Variants in VWA8 observed in about 807,000 individuals in gnomAD.
VWA8 encodes the protein von Willebrand factor A domain containing 8, also known as von Willebrand factor A domain-containing protein 8.
A neutral mutation model predicts 241.5 loss-of-function variants in VWA8; 221 were observed. That is an observed-to-expected ratio of 0.91 (90% confidence interval 0.82 to 1.02). The LOEUF is 1.02. Among genes scored for constraint, VWA8 ranks in the 50% least tolerant of loss-of-function variants. The pLI, the probability that VWA8 is intolerant of heterozygous loss-of-function variation, is 0.00. For synonymous variants in VWA8, 852 were observed against 827.1 expected (o/e 1.03, Z -0.52); for missense variants, 2,322 against 2,328.7 (o/e 1.00, Z 0.06).
At chr13:41,657,922 C>T (rs2044920838) in intron 37 of VWA8, among the ~76,000 whole-genome samples, 1 of 152,212 alleles carries the variant, frequency 6.6e-6, no homozygotes, top group African/African-American at 2.4e-5. Flanking sequence ...AAGACGTCTA[C>T]TGGAGTAAAG....
Position 41,787,451 on chromosome 13 carries a change from A to G in VWA8, c.2156T>C (p.Leu719Pro), listed in dbSNP as rs145957854. The change falls in exon 18 of 45, where the codon CTG becomes CCG. Residue 719 changes from leucine (L) to proline (P), a missense_variant. Leu to Pro is a moderately conservative substitution (Grantham distance 98). Transcript: ENST00000379310. ...INTDDNLEPE[L>P]KDYKCEVTSG... is the part of the protein sequence containing the mutation. ...CAAATACTTACATTTGTAATCCTTCAGTTCTGGCTCCAAATTGTCATCAGT... is the reference window on the plus strand; with the variant it reads ...CAAATACTTACATTTGTAATCCTTCGGTTCTGGCTCCAAATTGTCATCAGT... 3 of 1,610,822 alleles carry G rather than the reference A, an allele frequency of 1.9e-6. No individual in the cohort carries two copies. In the African/African-American group the frequency reaches 4.0e-5, roughly 22 times the overall value.
intron 12 of VWA8, among the ~76,000 whole-genome samples, chr13:41,852,112 T>C (rs1181817923): frequency 6.6e-6 from 1 of 152,246 alleles, no homozygotes; most frequent in East Asian, 1.9e-4. Flanking sequence ...CTTTTCGATA[T>C]TAGCCACTCT....
intron 4 of VWA8, among the ~76,000 whole-genome samples, chr13:41,907,030 A>C (rs1458602313): frequency 6.6e-6 from 1 of 152,216 alleles, no homozygotes; most frequent in South Asian, 2.1e-4. Context: ...TCCTTTTTCT[A>C]TTAAATACTC....
intron 24 of VWA8, among the ~76,000 whole-genome samples, chr13:41,726,894 C>G (rs1012856231): frequency 2.0e-5 from 3 of 152,096 alleles, no homozygotes; most frequent in Admixed American, 6.6e-5. Flanking sequence ...ACTGGGGAGG[C>G]TGAAGCAGAA....
At chr13:41,914,707 G>C (rs1293199566) in intron 2 of VWA8, among the ~76,000 whole-genome samples, 4 of 151,926 alleles carry the variant, frequency 2.6e-5, no homozygotes, top group African/African-American at 9.7e-5. Flanking sequence ...AGCTTAATTT[G>C]GCCACAGGCA....
At position 41,727,220 on chromosome 13, in the gene VWA8, A is replaced by G. The variant is rs2045442953; in HGVS notation, c.2732T>C (p.Leu911Pro). 1 of 1,548,558 alleles carries G rather than the reference A, an allele frequency of 6.5e-7. No individual in the cohort carries two copies. Among genetic ancestry groups the G allele is most frequent in the Admixed American group, 2.0e-5 (1 of 50,348 alleles). The change falls in exon 24 of 45, where the codon CTA becomes CCA. Residue 911 changes from leucine to proline, a missense_variant. Physicochemically the swap from Leu to Pro is moderately conservative, Grantham distance 98 (BLOSUM62 -3). Coordinates refer to ENST00000379310, the MANE Select transcript of VWA8 (RefSeq NM_015058.2). ...VLANRPGFPFLGNDFFGTLGD... is the reference protein window; with the variant it reads ...VLANRPGFPFPGNDFFGTLGD... Reference sequence around the variant, plus strand: ...TAAGGTACCGAAGAAATCATTGCCTAGGAAAGGAAATCCAGGTCTATTTGC... The same window carrying G: ...TAAGGTACCGAAGAAATCATTGCCTGGGAAAGGAAATCCAGGTCTATTTGC...
chr13:41,694,844 G>A (rs554761545), intron 29 of VWA8, among the ~76,000 whole-genome samples: 2 of 152,086 alleles, frequency 1.3e-5, no homozygotes, highest in African/African-American at 4.8e-5. Context: ...ACCTTTTTAG[G>A]GTCTAATACT....
intron 4 of VWA8, among the ~76,000 whole-genome samples, chr13:41,899,843 A>G (rs1487295356): frequency 6.6e-6 from 1 of 152,210 alleles, no homozygotes; most frequent in Non-Finnish European, 1.5e-5. Flanking sequence ...TCTGCCCAAT[A>G]GAGGCCCAAG....
At chr13:41,699,644 A>G (rs960114673) in intron 28 of VWA8, among the ~76,000 whole-genome samples, 2 of 152,334 alleles carry the variant, frequency 1.3e-5, no homozygotes, top group East Asian at 1.9e-4. Context: ...TCAGATGGAC[A>G]CCAGTTGGTC....
intron 28 of VWA8, 68 bp from the exon 29 acceptor site, chr13:41,699,338 T>C (rs2045235511): frequency 1.4e-6 from 2 of 1,452,622 alleles, no homozygotes; most frequent in South Asian, 2.3e-5. Flanking sequence ...AGAGGTCTAG[T>C]GAAAACTGAA....
At chr13:41,927,373 A>G in intron 2 of VWA8, 1 of 520,290 alleles carries the variant, frequency 1.9e-6, no homozygotes, top group Admixed American at 2.0e-5. Flanking sequence ...TGCAAGTTGT[A>G]TAAGTCAAGC....
At chr13:41,790,504 C>T (rs1480449662) in intron 17 of VWA8, among the ~76,000 whole-genome samples, 1 of 151,962 alleles carries the variant, frequency 6.6e-6, no homozygotes, top group Non-Finnish European at 1.5e-5. Context: ...CTCATTACTT[C>T]AATATCAGAA....
chr13:41,834,040 A>G (rs1871605825), intron 12 of VWA8, among the ~76,000 whole-genome samples: 1 of 152,234 alleles, frequency 6.6e-6, no homozygotes. Context: ...GACCATCACA[A>G]TGACTCATTT....
chr13:41,761,833 G>C (rs1398551380), intron 20 of VWA8, among the ~76,000 whole-genome samples: 3 of 151,980 alleles, frequency 2.0e-5, no homozygotes, highest in Admixed American at 1.3e-4. Context: ...TTTTGTAGAA[G>C]ACAGATTGTT....
chr13:41,699,246 A>G lies in VWA8; in HGVS notation c.3389T>C (p.Val1130Ala). 2 of 1,614,150 alleles carry G rather than the reference A, an allele frequency of 1.2e-6. No homozygotes were observed. The highest frequency in any genetic ancestry group is 1.7e-6 in the Non-Finnish European group (2 of 1,179,998). ...SHENEQNTLY[V>A]VTCNPASLYF... The stretch of plus-strand genomic sequence containing the variant: ...CAGGGAAGCGGGATTGCATGTAACT[A>G]CATAGAGAGTATTTTGCTCATTTTC... The change falls in exon 29 of 45, where the codon GTA (valine) becomes GCA (alanine). Residue 1130 changes from valine (V) to alanine (A), a missense_variant. Transcript: ENST00000379310.
At position 41,764,808 on chromosome 13, in the gene VWA8, TAA is replaced by T. The variant is rs199706573; in HGVS notation, c.2350-3606_2350-3605del. Among the ~76,000 whole-genome samples, 299 of 152,104 alleles carry T rather than the reference TAA, an allele frequency of 2.0e-3. 5 individuals are homozygous for T. In the East Asian group the frequency reaches 0.037, roughly 19 times the overall value. ...GTCTGGCTAAGCCCTGGAAACCACT[TAA>T]AAGAGTTAGAACTGTTTCCTCAAAG... is the stretch of plus-strand genomic sequence containing the variant. On this transcript the variant is annotated intron_variant, in intron 20 of 44. Coordinates refer to ENST00000379310, the MANE Select transcript of VWA8 (RefSeq NM_015058.2).
At chr13:41,786,011 G>T (rs957156622) in intron 18 of VWA8, among the ~76,000 whole-genome samples, 9 of 152,094 alleles carry the variant, frequency 5.9e-5, no homozygotes, top group African/African-American at 1.9e-4. Context: ...CTCAAAAAGG[G>T]AAATGCACTC....
chr13:41,699,101 G>A lies in VWA8; in HGVS notation c.3534C>T (p.Leu1178=). Residue 1178 remains leucine, a synonymous_variant, in exon 29 of 45, where the codon CTC becomes CTT. Transcript: ENST00000379310. ...GCTCATGGAGAACCACTTGACCTTTGAGAGGACTTCCCAGCGGTGCCACTG... is the reference window on the plus strand; with the variant it reads ...GCTCATGGAGAACCACTTGACCTTTAAGAGGACTTCCCAGCGGTGCCACTG... ...FVTVAPLGSP[L]KGQVVLHEQQ... 6.2e-7 allele frequency: 1 copy of A among 1,613,976 alleles called. No homozygotes were observed. The highest frequency in any genetic ancestry group is 1.1e-5 in the South Asian group (1 of 91,080).
chr13:41,897,027 G>A (rs1344483790), intron 4 of VWA8, among the ~76,000 whole-genome samples: 1 of 152,058 alleles, frequency 6.6e-6, no homozygotes, highest in Non-Finnish European at 1.5e-5. Context: ...GCAAAAAATT[G>A]TGGTAATTCA....
Sources: gnomAD v4.1 joint callset for allele counts (sites outside exome capture counted in the v4.1 genomes callset) on GRCh38, gnomAD v4.1.1 for gene constraint, MANE v1.5 for transcripts, NCBI Gene and HGNC (gene_info 2026-07-23, HGNC 2026-07-21) for gene names.